TNKS2: variants seen among roughly 807,000 people sequenced by gnomAD.
The protein encoded by TNKS2 is tankyrase 2, also known as poly [ADP-ribose] polymerase tankyrase-2.
TNKS2 carries 72 observed loss-of-function variants against 137.6 expected under a neutral mutation model. That is an observed-to-expected ratio of 0.52 (90% CI 0.43 to 0.64). The LOEUF is 0.64. Among genes scored for constraint, TNKS2 ranks in the 30% least tolerant of loss-of-function variants. TNKS2 has a pLI of 0.00. For synonymous variants in TNKS2, 516 were observed against 512.1 expected (o/e 1.01, Z -0.10); for missense variants, 1,049 against 1,410.2 (o/e 0.74, Z 4.10).
intron 20 of TNKS2, among the ~76,000 whole-genome samples, chr10:91,850,057 A>G (rs1842494895): frequency 6.6e-6 from 1 of 152,182 alleles, no homozygotes; most frequent in Non-Finnish European, 1.5e-5. Context: ...CTTTCATTGT[A>G]GTTATGGAAT....
At position 91,840,768 on chromosome 10, in the gene TNKS2, C is replaced by T. The variant is rs1842187734; in HGVS notation, c.1673+62C>T. On this transcript the variant is annotated intron_variant, in intron 14 of 26. Coordinates refer to ENST00000371627, the MANE Select transcript of TNKS2 (RefSeq NM_025235.4). ...CTTTTACTTGACCTTTTTAGGAAAA[C>T]CTGGAAATATAATATGTTTTATTTT... 16 of 1,458,782 alleles carry T rather than the reference C, an allele frequency of 1.1e-5. No individual in the cohort carries two copies. In the South Asian group the frequency reaches 2.2e-4, roughly 20 times the overall value. The allele number at this position is 1,458,782 out of a possible 1,614,324, so 90.4% of individuals were successfully genotyped here. A position where few individuals can be genotyped will look rare whatever the true frequency, so the allele number is the denominator to read the frequency against.
chr10:91,818,707 AT>A (rs756981541), intron 3 of TNKS2, among the ~76,000 whole-genome samples: 1 of 151,902 alleles, frequency 6.6e-6, no homozygotes, highest in African/African-American at 2.4e-5. Flanking sequence ...CAATTTTTGT[AT>A]TTTTTGTAGA....
chr10:91,812,532 C>CAGAA (rs1844542441), intron 1 of TNKS2, among the ~76,000 whole-genome samples: 1 of 152,098 alleles, frequency 6.6e-6, no homozygotes, highest in African/African-American at 2.4e-5. Context: ...CCCAGTTTAG[C>CAGAA]AGAAACATTC....
chr10:91,834,211 G>GACTCAGTTCCCAAATGTCATTAAGTGATA (rs1841923470), intron 12 of TNKS2, among the ~76,000 whole-genome samples, 187 bp downstream of exon 12: 1 of 152,148 alleles, frequency 6.6e-6, no homozygotes, highest in Non-Finnish European at 1.5e-5. Context: ...TGATAATTAT[G>GACTCAGTTCCCAAATGTCATTAAGTGATA]ATTTTTGTTC....
intron 9 of TNKS2, among the ~76,000 whole-genome samples, chr10:91,829,630 T>C (rs932356698): frequency 6.6e-6 from 1 of 152,186 alleles, no homozygotes; most frequent in South Asian, 2.1e-4. Context: ...ATAGGTGTCC[T>C]GGGATGATTA....
chr10:91,807,995 C>T, intron 1 of TNKS2, among the ~76,000 whole-genome samples: 1 of 118,592 alleles, frequency 8.4e-6, no homozygotes, highest in Non-Finnish European at 1.7e-5. Context: ...GACTCTGTCT[C>T]AAAAAAAAAA....
chr10:91,856,674 A>G (rs918633001), intron 23 of TNKS2, among the ~76,000 whole-genome samples: 1 of 152,194 alleles, frequency 6.6e-6, no homozygotes, highest in African/African-American at 2.4e-5. Context: ...TTCAGTGATG[A>G]AACGGGTTTT....
chr10:91,839,093 C>A (rs1348694940), intron 13 of TNKS2, among the ~76,000 whole-genome samples: 1 of 152,190 alleles, frequency 6.6e-6, no homozygotes, highest in Non-Finnish European at 1.5e-5. Flanking sequence ...TCTCGAACTC[C>A]TGACCTCAGG....
At chr10:91,823,310 T>C (rs2901511) in intron 7 of TNKS2, among the ~76,000 whole-genome samples, 73,842 of 141,554 alleles carry the variant, frequency 0.52, 19,471 homozygotes, top group East Asian at 0.73. Flanking sequence ...GTTGTTTTTT[T>C]GGTTTTTTGG....
At chr10:91,828,119 A>G (rs1295125438) in intron 8 of TNKS2, among the ~76,000 whole-genome samples, 166 bp from the exon 9 acceptor site, 2 of 152,144 alleles carry the variant, frequency 1.3e-5, no homozygotes, top group African/African-American at 4.8e-5. Flanking sequence ...CTGGAGTACC[A>G]CTGTCTGTTT....
intron 17 of TNKS2, 147 bp downstream of exon 17, chr10:91,845,175 G>A (rs186844343): frequency 9.1e-6 from 6 of 657,022 alleles, no homozygotes; most frequent in Admixed American, 2.9e-5. Flanking sequence ...TCCAAATTTC[G>A]GTTCTGAATC....
chr10:91,839,146 G>A (rs1001828818), intron 13 of TNKS2, among the ~76,000 whole-genome samples: 5 of 151,692 alleles, frequency 3.3e-5, no homozygotes, highest in African/African-American at 9.7e-5. Context: ...GATTACAGGC[G>A]TGAGCCACCG....
chr10:91,799,768 G>A (rs572164745), intron 1 of TNKS2, among the ~76,000 whole-genome samples: 1 of 152,324 alleles, frequency 6.6e-6, no homozygotes, highest in South Asian at 2.1e-4. Flanking sequence ...GAAAGATGAT[G>A]ACTGTTTCTA....
chr10:91,807,114 C>A, intron 1 of TNKS2: 1 of 1,465,028 alleles, frequency 6.8e-7, no homozygotes, highest in South Asian at 1.2e-5. Context: ...TCTGTCCCAA[C>A]ACTTTCTCTA....
chr10:91,824,815 A>G (rs1845013514), intron 7 of TNKS2, among the ~76,000 whole-genome samples: 3 of 152,204 alleles, frequency 2.0e-5, no homozygotes, highest in African/African-American at 4.8e-5. Context: ...AAGGACACTT[A>G]AGTTCACGAA....
chr10:91,848,067 A>AT (rs34473567), intron 18 of TNKS2, among the ~76,000 whole-genome samples: 11 of 152,022 alleles, frequency 7.2e-5, no homozygotes, highest in African/African-American at 2.7e-4. Context: ...GCTTTTGGAT[A>AT]TTTTTTTCAG....
intron 21 of TNKS2, among the ~76,000 whole-genome samples, chr10:91,852,089 G>A (rs912368391): frequency 2.0e-5 from 3 of 151,416 alleles, no homozygotes; most frequent in Non-Finnish European, 2.9e-5. Flanking sequence ...TTAGCCGGGC[G>A]TGGTGGTGGG....
rs78123770 is a variant in TNKS2, at chr10:91,862,991, G to A, written c.3493G>A (p.Asp1165Asn). 2,503 of 1,600,780 alleles carry A rather than the reference G, an allele frequency of 1.6e-3. 31 individuals are homozygous for A. The African/African-American group carries it at 0.028, about 18-fold the overall frequency. ...GATTATGAGGCCTGAAGGTATGGTC[G>A]ATGGATAAATAGTTATTTTAAGAAA... ...YQIMRPEGMV[D>N]G The change falls in exon 27 of 27, where the codon GAT becomes AAT. Residue 1165 changes from aspartate (D) to asparagine (N), a missense_variant. Asp to Asn is a conservative substitution (Grantham distance 23). Coordinates refer to ENST00000371627, the MANE Select transcript of TNKS2 (RefSeq NM_025235.4).
chr10:91,850,905 A>C (rs1564627667), intron 20 of TNKS2, among the ~76,000 whole-genome samples: 1 of 152,354 alleles, frequency 6.6e-6, no homozygotes, highest in Middle Eastern at 3.4e-3. Context: ...CAGAAGTACC[A>C]CTTGGCATAG....
Sources: allele counts gnomAD v4.1 joint callset (sites outside exome capture counted in the v4.1 genomes callset), GRCh38; gene constraint gnomAD v4.1.1; transcripts MANE v1.5; gene names NCBI Gene and HGNC (gene_info 2026-07-23, HGNC 2026-07-21).